NLRC5: variants seen among roughly 807,000 people sequenced by gnomAD.
NLRC5 encodes the protein protein NLRC5.
In NLRC5, 114 loss-of-function variants were observed where a neutral mutation model predicts 206.9. The ratio of observed to expected loss-of-function variants is 0.55; its 90% CI spans 0.47 to 0.64. The LOEUF (loss-of-function observed/expected upper bound fraction) is 0.64. NLRC5 is among the 30% of genes least tolerant of loss of function. NLRC5 has a pLI of 0.00. For synonymous variants in NLRC5, 952 were observed against 962.8 expected (o/e 0.99, Z 0.21); for missense variants, 2,008 against 2,305.5 (o/e 0.87, Z 2.64).
At chr16:57,029,079 A>T (rs576547680) in intron 8 of NLRC5, among the ~76,000 whole-genome samples, 1 of 152,304 alleles carries the variant, frequency 6.6e-6, no homozygotes, top group South Asian at 2.1e-4. Flanking sequence ...GCACTTGTTG[A>T]GTGAAAATAA....
chr16:57,077,532 C>T (rs27726), intron 41 of NLRC5, among the ~76,000 whole-genome samples, 153 bp downstream of exon 41: 61,484 of 151,972 alleles, frequency 0.4, 13,701 homozygotes, highest in Non-Finnish European at 0.52. Flanking sequence ...GCCCTCACTG[C>T]GGGACCTTAA....
Position 57,058,099 on chromosome 16 carries a change from A to G in NLRC5, c.3781A>G (p.Arg1261Gly). 1 of 1,612,666 alleles carries G rather than the reference A, an allele frequency of 6.2e-7. No homozygotes were observed. The highest frequency in any genetic ancestry group is 8.5e-7 in the Non-Finnish European group (1 of 1,179,324). The change falls in exon 28 of 49, where the codon AGA becomes GGA. Residue 1261 changes from arginine (R) to glycine (G), a missense_variant. Transcript: ENST00000688547. ...SANLLGDSGL[R>G]CLLECLPQVP... The stretch of plus-strand genomic sequence containing the variant: ...AAACCTGCTGGGCGACAGCGGACTC[A>G]GATGCCTTCTGGAATGTCTGCCGCA...
chr16:57,067,872 C>A, intron 36 of NLRC5, 44 bp downstream of exon 36: 1 of 1,431,644 alleles, frequency 7.0e-7, no homozygotes, highest in South Asian at 1.1e-5. Flanking sequence ...GCAGCTCTGC[C>A]CTGCCCTGAC....
chr16:56,995,221 G>A (rs76631084), intron 1 of NLRC5, among the ~76,000 whole-genome samples: 6,760 of 152,238 alleles, frequency 0.044, 255 homozygotes, highest in South Asian at 0.16. Flanking sequence ...CTCAGCTAGA[G>A]GAGTGCCCAC....
intron 39 of NLRC5, among the ~76,000 whole-genome samples, chr16:57,075,305 C>CCTCT (rs2068262605): frequency 6.6e-6 from 1 of 151,800 alleles, no homozygotes; most frequent in African/African-American, 2.4e-5. Context: ...CTGCAACCTC[C>CCTCT]GCCTCCCGGG....
intron 38 of NLRC5, among the ~76,000 whole-genome samples, chr16:57,070,945 TTGG>T (rs1256598124): frequency 2.0e-5 from 2 of 97,764 alleles, no homozygotes; most frequent in African/African-American, 5.2e-5. Flanking sequence ...GTGAGTTGTG[TTGG>T]TGGTTAATGG....
At chr16:57,011,843 A>G (rs1151265) in intron 1 of NLRC5, among the ~76,000 whole-genome samples, 117,382 of 152,154 alleles carry the variant, frequency 0.77, 48,511 homozygotes, top group Non-Finnish European at 0.93. Flanking sequence ...GGCAATAAAG[A>G]ATACATTATT....
intron 30 of NLRC5, among the ~76,000 whole-genome samples, chr16:57,059,739 T>A (rs2066173704): frequency 6.6e-6 from 1 of 152,160 alleles, no homozygotes; most frequent in Non-Finnish European, 1.5e-5. Flanking sequence ...AACTTGTGCC[T>A]CTTAGCCCAC....
At chr16:56,992,120 T>G (rs1448223629) in intron 1 of NLRC5, 1 of 152,266 alleles carries the variant, frequency 6.6e-6, no homozygotes, top group East Asian at 1.9e-4. Context: ...CAGCAGCCGG[T>G]GGGAACCAGG....
At chr16:57,074,511 A>T in intron 38 of NLRC5, 89 bp from the exon 39 acceptor site, 1 of 1,122,796 alleles carries the variant, frequency 8.9e-7, no homozygotes, top group Non-Finnish European at 1.4e-6. Flanking sequence ...GGAGGTCCCT[A>T]GGCTTGCTAA....
At chr16:57,038,108 GA>G (rs1350351451) in intron 15 of NLRC5, among the ~76,000 whole-genome samples, 2 of 149,998 alleles carry the variant, frequency 1.3e-5, no homozygotes, top group South Asian at 2.1e-4. Flanking sequence ...GTTATAATAG[GA>G]AAAAAAAAGA....
intron 22 of NLRC5, 147 bp from the exon 23 acceptor site, chr16:57,047,398 G>A (rs761221038): frequency 1.3e-5 from 9 of 673,156 alleles, no homozygotes; most frequent in African/African-American, 5.4e-5. Context: ...GGGGAGACTC[G>A]AGAGGGAAGC....
chr16:57,071,850 G>A (rs149590592), intron 38 of NLRC5, among the ~76,000 whole-genome samples: 8 of 151,898 alleles, frequency 5.3e-5, no homozygotes, highest in African/African-American at 1.7e-4. Context: ...TGAGTGAGGG[G>A]TGATGGTGCT....
chr16:57,017,345 T>C (rs530094824), intron 2 of NLRC5, among the ~76,000 whole-genome samples, 157 bp downstream of exon 2: 1 of 152,322 alleles, frequency 6.6e-6, no homozygotes, highest in South Asian at 2.1e-4. Flanking sequence ...AGCATGAGAA[T>C]GTAATGATCA....
In NLRC5 at chr16:57,025,995, T is replaced by G; in HGVS notation, c.1052T>G (p.Leu351Arg). The G allele has an allele frequency of 6.2e-7, 1 of 1,612,978 alleles. No homozygotes were observed. The highest frequency in any genetic ancestry group is 8.5e-7 in the Non-Finnish European group (1 of 1,179,462). ...ATGGCTACCTCCCGTCCAGGGAAGCTGCCTGCCTGCCTGCCTGCAGAGGCA... is the reference window on the plus strand; with the variant it reads ...ATGGCTACCTCCCGTCCAGGGAAGCGGCCTGCCTGCCTGCCTGCAGAGGCA... ...RVMATSRPGKLPACLPAEAAM... is the reference protein window; with the variant it reads ...RVMATSRPGKRPACLPAEAAM... The change falls in exon 6 of 49, where the codon CTG (leucine) becomes CGG (arginine). Residue 351 changes from leucine to arginine, a missense_variant. Coordinates refer to ENST00000688547, the MANE Select transcript of NLRC5 (RefSeq NM_001384950.1).
intron 1 of NLRC5, among the ~76,000 whole-genome samples, chr16:56,994,764 AGAGAAGAGGAGAGGAGG>A (rs1197218456): frequency 6.6e-6 from 1 of 152,234 alleles, no homozygotes; most frequent in African/African-American, 2.4e-5. Context: ...AGAAGAAAGC[AGAGAAGAGGAGAGGAGG>A]GAGAAGAGGA....
In NLRC5 at chr16:57,055,502, A is replaced by T; in HGVS notation, c.3729A>T (p.Lys1243Asn). 1 of 1,613,856 alleles carries T rather than the reference A, an allele frequency of 6.2e-7. No homozygotes were observed. Among genetic ancestry groups the T allele is most frequent in the Non-Finnish European group, 8.5e-7 (1 of 1,179,862 alleles). ...ESLCWLLSKC[K>N]DLSQVDLSAN... Reference sequence around the variant, plus strand: ...TCTGCTGGTTGCTGAGCAAGTGTAAAGACCTCAGCCAGGTGGAGTAAGTTG... The same window carrying T: ...TCTGCTGGTTGCTGAGCAAGTGTAATGACCTCAGCCAGGTGGAGTAAGTTG... The change falls in exon 27 of 49, where the codon AAA (lysine) becomes AAT (asparagine). Residue 1243 changes from lysine (K) to asparagine (N), a missense_variant. Transcript: ENST00000688547.
chr16:57,006,413 CTTTTTT>C (rs58713490), intron 1 of NLRC5, among the ~76,000 whole-genome samples: 20 of 90,840 alleles, frequency 2.2e-4, no homozygotes, highest in African/African-American at 3.6e-4. Flanking sequence ...TCTTCATCCT[CTTTTTT>C]TTTTTTTTTT....
rs536129648 is a variant in NLRC5 at position 57,020,109 on chromosome 16, A to T, written c.-12-592A>T. 8.5e-5 allele frequency among the ~76,000 whole-genome samples: 13 copies of T among 152,080 alleles called. No homozygotes were observed. In the East Asian group the frequency reaches 2.3e-3, roughly 27 times the overall value. Reference sequence around the variant, plus strand: ...TTCCCTGCCTATTTTATGTCGCTCAAATGTAGGGACTGGTTCTTGACTGCT... The same window carrying T: ...TTCCCTGCCTATTTTATGTCGCTCATATGTAGGGACTGGTTCTTGACTGCT... On this transcript the variant is annotated intron_variant, in intron 2 of 48. Transcript: ENST00000688547.
Sources: allele counts gnomAD v4.1 joint callset (sites outside exome capture counted in the v4.1 genomes callset), GRCh38; gene constraint gnomAD v4.1.1; transcripts MANE v1.5; gene names NCBI Gene and HGNC (gene_info 2026-07-23, HGNC 2026-07-21).